The following ALDH8A1 variants were observed in gnomAD, a reference collection of about 807,000 sequenced individuals.
ALDH8A1 encodes the protein 2-aminomuconic semialdehyde dehydrogenase.
A neutral mutation model predicts 43.3 loss-of-function variants in ALDH8A1; 39 were observed. The observed-to-expected ratio is 0.90, with a 90% CI of 0.70 to 1.18. The LOEUF is 1.18. ALDH8A1 is among the 50% of genes most tolerant of loss of function. The probability of loss-of-function intolerance (pLI) is 0.00; values close to 1 mark genes in which losing one functional copy is unlikely to be tolerated. For missense variants in ALDH8A1, 605 were observed against 622.6 expected (o/e 0.97, Z 0.30); for synonymous variants, 233 against 243.5 (o/e 0.96, Z 0.40).
At chr6:134,944,931 T>A (rs573352270) in intron 1 of ALDH8A1, among the ~76,000 whole-genome samples, 1 of 146,094 alleles carries the variant, frequency 6.8e-6, no homozygotes, top group Non-Finnish European at 1.5e-5. Flanking sequence ...ATATATATAG[T>A]ATATATAGTA....
At chr6:134,929,300 A>T in intron 5 of ALDH8A1, 85 bp from the exon 6 acceptor site, 1 of 1,448,860 alleles carries the variant, frequency 6.9e-7, no homozygotes. Context: ...CCTGCCATGT[A>T]TCAGGCACTG....
At chr6:134,949,170 C>G (rs1774002645) in intron 1 of ALDH8A1, among the ~76,000 whole-genome samples, 1 of 152,052 alleles carries the variant, frequency 6.6e-6, no homozygotes, top group South Asian at 2.1e-4. Context: ...ATTCATAAGG[C>G]ATTAGATGAC....
At chr6:134,921,436 G>A (rs1225911491) in intron 6 of ALDH8A1, among the ~76,000 whole-genome samples, 1 of 152,162 alleles carries the variant, frequency 6.6e-6, no homozygotes, top group Non-Finnish European at 1.5e-5. Context: ...GCAACCCTGC[G>A]AAAAGGCAAA....
At chr6:134,930,272 G>C (rs188907215) in intron 5 of ALDH8A1, among the ~76,000 whole-genome samples, 1 of 152,130 alleles carries the variant, frequency 6.6e-6, no homozygotes, top group Non-Finnish European at 1.5e-5. Context: ...GGAGGGAAAC[G>C]AGAGCTCTGA....
intron 1 of ALDH8A1, among the ~76,000 whole-genome samples, chr6:134,947,686 CACA>C (rs1773976352): frequency 1.3e-5 from 2 of 151,594 alleles, no homozygotes; most frequent in African/African-American, 4.8e-5. Context: ...AAGTCAAAAC[CACA>C]ACGAGTTATT....
intron 4 of ALDH8A1, among the ~76,000 whole-genome samples, chr6:134,938,686 C>T (rs945077160): frequency 1.3e-5 from 2 of 151,916 alleles, no homozygotes; most frequent in African/African-American, 2.4e-5. Flanking sequence ...CTCACTCTGT[C>T]GCCCAGGCTG....
chr6:134,922,255 C>G (rs1583021973), intron 6 of ALDH8A1, among the ~76,000 whole-genome samples: 1 of 152,176 alleles, frequency 6.6e-6, no homozygotes, highest in African/African-American at 2.4e-5. Context: ...CAAAACAAGG[C>G]AAGCCACATA....
At chr6:134,922,243 A>G (rs995413436) in intron 6 of ALDH8A1, among the ~76,000 whole-genome samples, 1 of 152,184 alleles carries the variant, frequency 6.6e-6, no homozygotes, top group African/African-American at 2.4e-5. Context: ...CAGAGAGGAC[A>G]ACAAAACAAG....
At position 134,918,752 on chromosome 6, in the gene ALDH8A1, G is replaced by A. The variant is rs774809603; in HGVS notation, c.1127C>T (p.Thr376Met). 49 of 1,614,012 alleles carry A rather than the reference G, an allele frequency of 3.0e-5. No homozygotes were observed. The highest frequency in any genetic ancestry group is 2.1e-4 in the African/African-American group (16 of 74,896). The change falls in exon 7 of 7, where the codon ACG (threonine) becomes ATG (methionine). Residue 376 changes from threonine (T) to methionine (M), a missense_variant. By Grantham distance (81) the Thr-to-Met change is moderately conservative. Transcript: ENST00000265605. ...TTCATCCTTAATGTCTGTTATCACCGTGGGAAGCATAAAGTAGCCTGCCTG... is the reference window on the plus strand; with the variant it reads ...TTCATCCTTAATGTCTGTTATCACCATGGGAAGCATAAAGTAGCCTGCCTG... ...RNQAGYFMLP[T>M]VITDIKDESC...
chr6:134,942,437 G>A lies in ALDH8A1; in HGVS notation c.414C>T (p.His138=), dbSNP rs1171144716. The part of the protein sequence containing the change: ...CTQMDHLGCM[H]YTVRAPVGVA... The stretch of plus-strand genomic sequence containing the variant: ...CTCCCACCGGGGCCCGCACCGTGTA[G>A]TGCATGCAGCCCAGGTGGTCCATCT... The change falls in exon 3 of 7, where the codon CAC becomes CAT. Residue 138 remains histidine (H), a synonymous_variant. Coordinates refer to ENST00000265605, the MANE Select transcript of ALDH8A1 (RefSeq NM_022568.4). The A allele has an allele frequency of 6.2e-7, 1 of 1,614,048 alleles. No individual in the cohort carries two copies. Among genetic ancestry groups the A allele is most frequent in the Non-Finnish European group, 8.5e-7 (1 of 1,179,998 alleles).
At chr6:134,939,723 A>C (rs547173271) in intron 3 of ALDH8A1, among the ~76,000 whole-genome samples, 6 of 152,356 alleles carry the variant, frequency 3.9e-5, no homozygotes, top group African/African-American at 1.4e-4. Context: ...CATATACCCA[A>C]AGAAATATAA....
chr6:134,927,295 A>G (rs1776900310), intron 6 of ALDH8A1, among the ~76,000 whole-genome samples: 1 of 151,954 alleles, frequency 6.6e-6, no homozygotes, highest in Non-Finnish European at 1.5e-5. Context: ...AGTTTAGTAC[A>G]TGTTAAAAAA....
Position 134,917,492 on chromosome 6 carries a change from G to A in ALDH8A1, c.*923C>T, listed in dbSNP as rs541024766. On this transcript the variant is annotated 3_prime_UTR_variant, in exon 7 of 7. Transcript: ENST00000265605. ...CTAAGAAATGGAATTGATTAGACTC[G>A]ACCGTAGGAATGGATCAAACTATGT... 3 of 152,206 alleles carry A rather than the reference G, an allele frequency of 2.0e-5. No homozygotes were observed. Among genetic ancestry groups the A allele is most frequent in the South Asian group, 4.2e-4 (2 of 4,812 alleles). The allele number at this position is 152,206 out of a possible 1,614,324, so 9.4% of individuals were successfully genotyped here. A position where few individuals can be genotyped will look rare whatever the true frequency, so the allele number is the denominator to read the frequency against.
chr6:134,935,961 T>TC lies in ALDH8A1; in HGVS notation c.593-2930_593-2929insG, dbSNP rs1310703699. Among the ~76,000 whole-genome samples, 4 of 151,630 alleles carry TC rather than the reference T, an allele frequency of 2.6e-5. No homozygotes were observed. In the East Asian group the frequency reaches 7.8e-4, roughly 29 times the overall value. On this transcript the variant is annotated intron_variant, in intron 4 of 6. Transcript: ENST00000265605. Reference sequence around the variant, plus strand: ...CTAGCAGAGCCCCACTTCTTTTTTTTTTTTTTTTGAGATGGAGTCTCGCTC... The same window carrying TC: ...CTAGCAGAGCCCCACTTCTTTTTTTTCTTTTTTTTGAGATGGAGTCTCGCTC...
chr6:134,918,970 G>C lies in ALDH8A1; in HGVS notation c.1012-103C>G, dbSNP rs551312706. 44 of 1,294,606 alleles carry C rather than the reference G, an allele frequency of 3.4e-5. No individual in the cohort carries two copies. In the African/African-American group the frequency reaches 5.6e-4, roughly 16 times the overall value. 80.2% of individuals were successfully genotyped at this position (1,294,606 alleles called of 1,614,324 possible). A position where few individuals can be genotyped will look rare whatever the true frequency, so the allele number is the denominator to read the frequency against. On this transcript the variant is annotated intron_variant, in intron 6 of 6. Coordinates refer to ENST00000265605, the MANE Select transcript of ALDH8A1 (RefSeq NM_022568.4). ...TAATCATCTCGGAAGGAGGGATAAG[G>C]TCATTCCTAAGAAATCTATGGTCGA...
At chr6:134,943,383 T>G (rs905921610) in intron 2 of ALDH8A1, among the ~76,000 whole-genome samples, 3 of 151,860 alleles carry the variant, frequency 2.0e-5, no homozygotes, top group African/African-American at 7.3e-5. Flanking sequence ...GGGAGTGGAA[T>G]GGTGACTGAC....
rs536767241 is a variant in ALDH8A1, at chr6:134,924,386, T to G, written c.1011+4668A>C. On this transcript the variant is annotated intron_variant, in intron 6 of 6. Transcript: ENST00000265605. ...TGCCCAAAAACTATTTCTACAAGGA[T>G]GTTTATACAGTAACTGTCCACTCAA... is the stretch of plus-strand genomic sequence containing the variant. 1.5e-4 allele frequency among the ~76,000 whole-genome samples: 23 copies of G among 152,368 alleles called. No homozygotes were observed. In the South Asian group the frequency reaches 4.1e-3, roughly 27 times the overall value.
Position 134,929,169 on chromosome 6 carries a change from ATGCTC to A in ALDH8A1, c.891_895del (p.Lys297AsnfsTer3), listed in dbSNP as rs1776936170. On this transcript the variant is annotated frameshift_variant, in exon 6 of 7. Transcript: ENST00000265605. LOFTEE classifies it high-confidence loss of function. ...AAATCTCTTTAAAAATTCACTATAG[ATGCTC>A]TTCTGGACAAAGATCCTGCTGGTAC... 1.2e-6 allele frequency: 2 copies of A among 1,614,122 alleles called. No homozygotes were observed. Among genetic ancestry groups the A allele is most frequent in the East Asian group, 4.5e-5 (2 of 44,882 alleles).
intron 5 of ALDH8A1, among the ~76,000 whole-genome samples, chr6:134,929,511 T>C (rs1290050854): frequency 6.6e-6 from 1 of 152,154 alleles, no homozygotes; most frequent in Non-Finnish European, 1.5e-5. Flanking sequence ...AGCTATTTTA[T>C]GAAAGGGAGT....
Sources: gnomAD v4.1 joint callset for allele counts (sites outside exome capture counted in the v4.1 genomes callset) on GRCh38, gnomAD v4.1.1 for gene constraint, MANE v1.5 for transcripts, NCBI Gene and HGNC (gene_info 2026-07-23, HGNC 2026-07-21) for gene names.